RPS6KC1: variants seen among roughly 807,000 people sequenced by gnomAD.
RPS6KC1 encodes the protein ribosomal protein S6 kinase C1, also known as inactive ribosomal protein S6 kinase delta-1.
Under a neutral mutation model 103.8 loss-of-function variants are expected in RPS6KC1, and 54 were observed. The ratio of observed to expected loss-of-function variants is 0.52; its 90% CI spans 0.42 to 0.65. The LOEUF (loss-of-function observed/expected upper bound fraction) is 0.65. Among genes scored for constraint, RPS6KC1 ranks in the 30% least tolerant of loss-of-function variants. The pLI, the probability that RPS6KC1 is intolerant of heterozygous loss-of-function variation, is 0.00. For missense variants in RPS6KC1, 1,151 were observed against 1,253.8 expected (o/e 0.92, Z 1.24); for synonymous variants, 439 against 438.7 (o/e 1.00, Z -0.01).
At chr1:213,121,670 T>C (rs1466374042) in intron 5 of RPS6KC1, among the ~76,000 whole-genome samples, 1 of 152,084 alleles carries the variant, frequency 6.6e-6, no homozygotes, top group Non-Finnish European at 1.5e-5. Flanking sequence ...ATTGCTTTGG[T>C]GCCATGCTGG....
At chr1:213,815,969 T>C in the RPS6KC1 span, among the ~76,000 whole-genome samples, 1 of 152,178 alleles carries the variant, frequency 6.6e-6, no homozygotes, top group Non-Finnish European at 1.5e-5. Flanking sequence ...GGGTTATTAT[T>C]TGGCCTAATT....
intron 8 of RPS6KC1, among the ~76,000 whole-genome samples, chr1:213,200,156 A>G (rs555584803): frequency 2.2e-4 from 34 of 152,340 alleles, no homozygotes; most frequent in African/African-American, 6.0e-4. Context: ...TATGGAACCA[A>G]AAAGGAACCT....
the RPS6KC1 span, among the ~76,000 whole-genome samples, chr1:213,374,221 T>C: frequency 2.0e-5 from 3 of 152,252 alleles, no homozygotes; most frequent in Admixed American, 6.5e-5. Context: ...ATAGTTATCC[T>C]ATTATTTCAC....
the RPS6KC1 span, among the ~76,000 whole-genome samples, chr1:213,463,596 T>C: frequency 6.6e-6 from 1 of 152,242 alleles, no homozygotes; most frequent in East Asian, 1.9e-4. Flanking sequence ...CCTAGCGCAG[T>C]ACATGTCCTC....
At chr1:213,095,698 G>A (rs752196950) in intron 3 of RPS6KC1, among the ~76,000 whole-genome samples, 8 of 152,136 alleles carry the variant, frequency 5.3e-5, no homozygotes, top group Non-Finnish European at 8.8e-5. Context: ...AGAATATTTT[G>A]GTTTCCTAGT....
chr1:213,366,355 G>C, the RPS6KC1 span, among the ~76,000 whole-genome samples: 1 of 152,232 alleles, frequency 6.6e-6, no homozygotes, highest in Non-Finnish European at 1.5e-5. Context: ...AACCATAACA[G>C]CTGCGGCTAC....
the RPS6KC1 span, among the ~76,000 whole-genome samples, chr1:213,498,321 A>T: frequency 6.6e-6 from 1 of 152,366 alleles, no homozygotes; most frequent in Non-Finnish European, 1.5e-5. Context: ...CATTCCAGTT[A>T]TACAGTAGTT....
At chr1:213,291,905 C>T in the RPS6KC1 span, among the ~76,000 whole-genome samples, 4 of 152,192 alleles carry the variant, frequency 2.6e-5, no homozygotes, top group South Asian at 8.3e-4. Context: ...CTTTAATCCA[C>T]CTTGAATTAA....
At chr1:213,264,379 G>A (rs913772765) in intron 14 of RPS6KC1, among the ~76,000 whole-genome samples, 9 of 152,132 alleles carry the variant, frequency 5.9e-5, no homozygotes, top group South Asian at 4.1e-4. Context: ...CATCTTATTC[G>A]TTGTGGCACG....
chr1:213,525,019 A>G, the RPS6KC1 span, among the ~76,000 whole-genome samples: 1 of 152,260 alleles, frequency 6.6e-6, no homozygotes, highest in Non-Finnish European at 1.5e-5. Context: ...CGTTAGGAAG[A>G]GTAAATGGCT....
intron 3 of RPS6KC1, among the ~76,000 whole-genome samples, chr1:213,081,336 C>T (rs111898079): frequency 2.0e-5 from 3 of 152,080 alleles, no homozygotes; most frequent in South Asian, 2.1e-4. Flanking sequence ...CACCACATGA[C>T]GAGAGAAGGA....
chr1:213,616,680 G>A, the RPS6KC1 span, among the ~76,000 whole-genome samples: 572 of 152,234 alleles, frequency 3.8e-3, 4 homozygotes, highest in African/African-American at 0.013. Flanking sequence ...TAATAGCTAC[G>A]TAACATAGTG....
At chr1:213,717,102 G>T in the RPS6KC1 span, among the ~76,000 whole-genome samples, 1 of 152,216 alleles carries the variant, frequency 6.6e-6, no homozygotes, top group South Asian at 2.1e-4. Flanking sequence ...AGGCTGGCCA[G>T]CTAGCAGCAT....
chr1:213,513,076 C>T, the RPS6KC1 span, among the ~76,000 whole-genome samples: 1 of 152,048 alleles, frequency 6.6e-6, no homozygotes, highest in African/African-American at 2.4e-5. Flanking sequence ...CCTGGTGTGC[C>T]CAATGCCATC....
intron 8 of RPS6KC1, among the ~76,000 whole-genome samples, chr1:213,179,394 A>T (rs2148338426): frequency 6.6e-6 from 1 of 152,078 alleles, no homozygotes; most frequent in South Asian, 2.1e-4. Flanking sequence ...CAGCCTGGGC[A>T]ACAGAGCCAG....
chr1:213,330,736 C>T, the RPS6KC1 span, among the ~76,000 whole-genome samples: 1 of 152,230 alleles, frequency 6.6e-6, no homozygotes, highest in Admixed American at 6.5e-5. Flanking sequence ...CTCGTGGGAA[C>T]AGGGTGCTGT....
the RPS6KC1 span, among the ~76,000 whole-genome samples, chr1:213,770,829 G>A: frequency 6.6e-6 from 1 of 152,152 alleles, no homozygotes; most frequent in Non-Finnish European, 1.5e-5. Context: ...TGCCTAATAG[G>A]AAGTCCAGAA....
At chr1:213,182,405 C>T (rs1279532181) in intron 8 of RPS6KC1, among the ~76,000 whole-genome samples, 1 of 152,030 alleles carries the variant, frequency 6.6e-6, no homozygotes, top group Non-Finnish European at 1.5e-5. Flanking sequence ...GCATGAGAAT[C>T]GCTTAAATCT....
At chr1:213,631,529 C>A in the RPS6KC1 span, among the ~76,000 whole-genome samples, 5 of 151,982 alleles carry the variant, frequency 3.3e-5, no homozygotes, top group African/African-American at 9.7e-5. Flanking sequence ...AATGAAGATA[C>A]CTGTAAAAAC....
Sources: gnomAD v4.1 joint callset for allele counts (sites outside exome capture counted in the v4.1 genomes callset) on GRCh38, gnomAD v4.1.1 for gene constraint, MANE v1.5 for transcripts, NCBI Gene and HGNC (gene_info 2026-07-23, HGNC 2026-07-21) for gene names.